PRKD1: variants seen among roughly 807,000 people sequenced by gnomAD.
The protein encoded by PRKD1 is serine/threonine-protein kinase D1.
PRKD1 carries 63 observed loss-of-function variants against 95.9 expected under a neutral mutation model. The observed-to-expected ratio is 0.66, with a 90% CI of 0.54 to 0.81. PRKD1 has a LOEUF of 0.81. Ranked by LOEUF, PRKD1 falls within the 30% of genes least tolerant of loss-of-function variation. PRKD1 has a pLI of 0.00. For synonymous variants in PRKD1, 425 were observed against 423.1 expected, an observed-to-expected ratio of 1.00 and a Z score of -0.05; for missense variants, 1,048 against 1,165.3, an observed-to-expected ratio of 0.90 and a Z score of 1.47.
intron 1 of PRKD1, among the ~76,000 whole-genome samples, chr14:29,817,540 T>C (rs1417382276): frequency 6.6e-6 from 1 of 152,180 alleles, no homozygotes; most frequent in African/African-American, 2.4e-5. Flanking sequence ...ATAGACACAG[T>C]TTTAAGTATC....
chr14:29,639,037 TTC>T lies in PRKD1; in HGVS notation c.697-135_697-134del, dbSNP rs2139138024. The T allele has an allele frequency of 1.1e-5, 7 of 649,774 alleles. No individual in the cohort carries two copies. The East Asian group carries it at 1.7e-4, about 16-fold the overall frequency. The allele number at this position is 649,774 out of a possible 1,614,324, so 40.3% of individuals were successfully genotyped here. A position where few individuals can be genotyped will look rare whatever the true frequency, so the allele number is the denominator to read the frequency against. ...TTAATAATATGAAATCATACTGTAT[TTC>T]TGTTAATTAATATAATTTACTTGCC... On this transcript the variant is annotated intron_variant, in intron 4 of 17. Coordinates refer to ENST00000331968, the MANE Select transcript of PRKD1 (RefSeq NM_002742.3).
At chr14:29,757,255 T>C (rs1887745849) in intron 1 of PRKD1, among the ~76,000 whole-genome samples, 1 of 152,182 alleles carries the variant, frequency 6.6e-6, no homozygotes, top group African/African-American at 2.4e-5. Context: ...AACATCATGC[T>C]AAACCCAAAG....
chr14:29,921,038 T>C (rs1332633924), intron 1 of PRKD1, among the ~76,000 whole-genome samples: 10 of 152,214 alleles, frequency 6.6e-5, no homozygotes, highest in Non-Finnish European at 1.3e-4. Context: ...TTTTGAATCA[T>C]TGTGTTCCCA....
chr14:29,916,220 C>A (rs186796170), intron 1 of PRKD1, among the ~76,000 whole-genome samples: 25 of 152,322 alleles, frequency 1.6e-4, no homozygotes, highest in Admixed American at 9.1e-4. Context: ...TGAAGTTGCT[C>A]TTTGGAGCTC....
chr14:29,700,831 A>C (rs1009364651), intron 2 of PRKD1, among the ~76,000 whole-genome samples: 7 of 152,102 alleles, frequency 4.6e-5, no homozygotes, highest in Non-Finnish European at 1.0e-4. Context: ...TCCAGCTGCA[A>C]GATCAATTCT....
At chr14:29,927,031 T>A (rs1410788265) in intron 1 of PRKD1, among the ~76,000 whole-genome samples, 2 of 151,614 alleles carry the variant, frequency 1.3e-5, no homozygotes, top group Admixed American at 1.3e-4. Flanking sequence ...AATCGGTGAA[T>A]AGAGGAAGAT....
chr14:29,865,565 G>C (rs1387593985), intron 1 of PRKD1, among the ~76,000 whole-genome samples: 1 of 152,118 alleles, frequency 6.6e-6, no homozygotes, highest in Non-Finnish European at 1.5e-5. Context: ...TCTTGCTTTT[G>C]AGCTCTCTTG....
chr14:29,653,528 A>AAT (rs909164088), intron 4 of PRKD1, among the ~76,000 whole-genome samples: 1 of 152,116 alleles, frequency 6.6e-6, no homozygotes, highest in African/African-American at 2.4e-5. Context: ...CAGGTCATCC[A>AAT]ATATCTTAAA....
chr14:29,705,838 G>C (rs899862143), intron 2 of PRKD1, among the ~76,000 whole-genome samples: 2 of 151,940 alleles, frequency 1.3e-5, no homozygotes, highest in Non-Finnish European at 2.9e-5. Context: ...CTACTGAATG[G>C]GTATACCACA....
chr14:29,912,100 G>C (rs1009373198), intron 1 of PRKD1, among the ~76,000 whole-genome samples: 2 of 152,118 alleles, frequency 1.3e-5, no homozygotes, highest in Non-Finnish European at 2.9e-5. Context: ...ACCTAGTTAG[G>C]AGAACTGTCC....
At chr14:29,880,452 A>T (rs1364303126) in intron 1 of PRKD1, among the ~76,000 whole-genome samples, 9 of 152,198 alleles carry the variant, frequency 5.9e-5, no homozygotes, top group Non-Finnish European at 1.2e-4. Context: ...AAATGCCTGG[A>T]TTCCCAGGCA....
chr14:29,763,695 C>T (rs922432373), intron 1 of PRKD1, among the ~76,000 whole-genome samples: 2 of 152,066 alleles, frequency 1.3e-5, no homozygotes, highest in Non-Finnish European at 2.9e-5. Flanking sequence ...GAGGATTTGG[C>T]CTGTGTCTCA....
At chr14:29,736,652 T>C (rs576342937) in intron 1 of PRKD1, among the ~76,000 whole-genome samples, 2 of 152,294 alleles carry the variant, frequency 1.3e-5, no homozygotes, top group East Asian at 3.9e-4. Context: ...CTCTCCAAGT[T>C]TGAATCTAAC....
intron 1 of PRKD1, among the ~76,000 whole-genome samples, chr14:29,926,493 G>T (rs1267929573): frequency 1.3e-5 from 2 of 152,092 alleles, no homozygotes; most frequent in Non-Finnish European, 2.9e-5. Flanking sequence ...CCTGGCCCCG[G>T]ATAATGACCC....
intron 1 of PRKD1, among the ~76,000 whole-genome samples, chr14:29,888,418 T>C (rs1010468782): frequency 2.0e-5 from 3 of 152,050 alleles, no homozygotes; most frequent in Non-Finnish European, 4.4e-5. Flanking sequence ...AGAAGGCCTA[T>C]AGAAAGACAT....
chr14:29,874,702 C>G lies in PRKD1; in HGVS notation c.264+52547G>C, dbSNP rs191574624. Reference sequence around the variant, plus strand: ...TCATTTGCAACAACATGGACATAAACTAGAGGTCATTATGTTAAGTGAAAT... The same window carrying G: ...TCATTTGCAACAACATGGACATAAAGTAGAGGTCATTATGTTAAGTGAAAT... On this transcript the variant is annotated intron_variant, in intron 1 of 17. Transcript: ENST00000331968. Among the ~76,000 whole-genome samples, 106 of 152,198 alleles carry G rather than the reference C, an allele frequency of 7.0e-4. 1 individual carries two copies. The highest frequency in any genetic ancestry group is 1.8e-3 in the Admixed American group (28 of 15,288).
chr14:29,832,446 T>G (rs1891447889), intron 1 of PRKD1, among the ~76,000 whole-genome samples: 1 of 152,212 alleles, frequency 6.6e-6, no homozygotes, highest in South Asian at 2.1e-4. Flanking sequence ...GTCTGTTATG[T>G]ATGTTGTTTT....
intron 1 of PRKD1, among the ~76,000 whole-genome samples, chr14:29,729,635 T>C (rs1472702504): frequency 2.0e-5 from 3 of 152,032 alleles, no homozygotes; most frequent in African/African-American, 7.2e-5. Context: ...ATTATTTTTC[T>C]ATACTTAGTT....
chr14:29,818,865 C>T (rs566141486), intron 1 of PRKD1, among the ~76,000 whole-genome samples: 14 of 151,994 alleles, frequency 9.2e-5, no homozygotes, highest in Non-Finnish European at 1.6e-4. Context: ...TAAGTAATAA[C>T]TTTAATGTAT....
Sources: allele counts gnomAD v4.1 joint callset (sites outside exome capture counted in the v4.1 genomes callset), GRCh38; gene constraint gnomAD v4.1.1; transcripts MANE v1.5; gene names NCBI Gene and HGNC (gene_info 2026-07-23, HGNC 2026-07-21).